Variants in LRRC4C observed in about 807,000 individuals in gnomAD.
LRRC4C encodes leucine-rich repeat-containing protein 4C.
Under a neutral mutation model 33.6 loss-of-function variants are expected in LRRC4C, and 5 were observed. The ratio of observed to expected loss-of-function variants is 0.15; its 90% CI spans 0.08 to 0.31. LRRC4C has a LOEUF of 0.31. Among genes scored for constraint, LRRC4C ranks in the 10% least tolerant of loss-of-function variants. The pLI is 1.00. For missense variants in LRRC4C, 560 were observed against 796.7 expected, an observed-to-expected ratio of 0.70 and a Z score of 3.58; for synonymous variants, 329 against 302.0, an observed-to-expected ratio of 1.09 and a Z score of -0.93.
intron 5 of LRRC4C, among the ~76,000 whole-genome samples, chr11:40,213,965 C>T (rs574616147): frequency 3.9e-5 from 6 of 152,236 alleles, no homozygotes; most frequent in African/African-American, 1.4e-4. Context: ...AGTACTTGCT[C>T]AACCTCACAC....
chr11:40,945,870 A>G (rs757398903), intron 1 of LRRC4C, among the ~76,000 whole-genome samples: 1 of 152,164 alleles, frequency 6.6e-6, no homozygotes, highest in Non-Finnish European at 1.5e-5. Context: ...TAATCCATAC[A>G]TATGAATATG....
chr11:40,624,582 C>A (rs1962756952), intron 3 of LRRC4C, among the ~76,000 whole-genome samples: 1 of 152,108 alleles, frequency 6.6e-6, no homozygotes, highest in East Asian at 1.9e-4. Context: ...ATGGGCCAAC[C>A]TGATTCACAA....
intron 2 of LRRC4C, among the ~76,000 whole-genome samples, chr11:40,812,727 C>T (rs1417984957): frequency 6.6e-6 from 1 of 152,034 alleles, no homozygotes; most frequent in Non-Finnish European, 1.5e-5. Context: ...TTTCATTTAT[C>T]CTAAAAGCAG....
At chr11:40,661,208 TG>T (rs1943417086) in intron 2 of LRRC4C, among the ~76,000 whole-genome samples, 1 of 152,184 alleles carries the variant, frequency 6.6e-6, no homozygotes, top group South Asian at 2.1e-4. Flanking sequence ...ATGATGCCAA[TG>T]TGTATCCTGC....
chr11:41,331,239 T>C (rs990732800), intron 1 of LRRC4C, among the ~76,000 whole-genome samples: 3 of 152,230 alleles, frequency 2.0e-5, no homozygotes, highest in Non-Finnish European at 4.4e-5. Context: ...CCTTGAGTTA[T>C]TCCTTCCTAG....
rs372764012 is a variant in LRRC4C at position 40,812,029 on chromosome 11, T to C, written c.-407+121606A>G. Among the ~76,000 whole-genome samples the C allele has an allele frequency of 8.5e-5, 13 of 152,326 alleles. 1 individual carries two copies. The East Asian group carries it at 2.3e-3, about 27-fold the overall frequency. On this transcript the variant is annotated intron_variant, in intron 2 of 6. Coordinates refer to ENST00000528697, the MANE Select transcript of LRRC4C (RefSeq NM_001258419.2). ...ACCTTCATGCACCTTTTCCCTATTA[T>C]TTCACTTATCATCCTTCTCTCTAAT...
At chr11:41,261,977 C>T (rs1948995690) in intron 1 of LRRC4C, among the ~76,000 whole-genome samples, 1 of 152,046 alleles carries the variant, frequency 6.6e-6, no homozygotes, top group South Asian at 2.1e-4. Flanking sequence ...TCTTCATTCT[C>T]TGTGGGGAGA....
chr11:41,378,354 G>C (rs1042521193), intron 1 of LRRC4C, among the ~76,000 whole-genome samples: 1 of 151,912 alleles, frequency 6.6e-6, no homozygotes, highest in Non-Finnish European at 1.5e-5. Flanking sequence ...TTTTTCTTTT[G>C]TCTCTGAAGA....
intron 5 of LRRC4C, among the ~76,000 whole-genome samples, chr11:40,174,822 CA>C (rs1439217296): frequency 6.6e-6 from 1 of 152,122 alleles, no homozygotes; most frequent in Non-Finnish European, 1.5e-5. Flanking sequence ...TTGCTTCTCC[CA>C]GGGGACAGGT....
At chr11:40,482,812 A>C (rs1292845648) in intron 3 of LRRC4C, among the ~76,000 whole-genome samples, 1 of 152,144 alleles carries the variant, frequency 6.6e-6, no homozygotes, top group African/African-American at 2.4e-5. Context: ...AACCTAAATA[A>C]AATGAATTTC....
chr11:41,300,100 T>C (rs1257752240), intron 1 of LRRC4C, among the ~76,000 whole-genome samples: 3 of 152,182 alleles, frequency 2.0e-5, no homozygotes, highest in Non-Finnish European at 4.4e-5. Context: ...AACAGGTCAA[T>C]GTAGTCACAG....
At chr11:40,208,683 T>C (rs1263198379) in intron 5 of LRRC4C, among the ~76,000 whole-genome samples, 3 of 152,192 alleles carry the variant, frequency 2.0e-5, no homozygotes, top group East Asian at 1.9e-4. Context: ...TTAATACATG[T>C]TATTACAAGT....
intron 3 of LRRC4C, among the ~76,000 whole-genome samples, chr11:40,425,831 C>T (rs1472875434): frequency 2.6e-5 from 4 of 152,126 alleles, no homozygotes; most frequent in Admixed American, 2.6e-4. Context: ...CTGTCTTAGG[C>T]CATAGATGTA....
intron 2 of LRRC4C, among the ~76,000 whole-genome samples, chr11:40,703,154 G>A (rs376670181): frequency 2.0e-5 from 3 of 151,992 alleles, no homozygotes; most frequent in Non-Finnish European, 4.4e-5. Flanking sequence ...AGGGGAAGGC[G>A]CTATTAGTAC....
intron 3 of LRRC4C, among the ~76,000 whole-genome samples, chr11:40,449,498 G>T (rs1177869571): frequency 6.6e-6 from 1 of 152,098 alleles, no homozygotes; most frequent in African/African-American, 2.4e-5. Context: ...AAATTTCAGT[G>T]ATTACTTCAT....
chr11:40,171,218 T>C (rs919127273), intron 5 of LRRC4C, among the ~76,000 whole-genome samples: 1 of 152,232 alleles, frequency 6.6e-6, no homozygotes, highest in Admixed American at 6.5e-5. Context: ...ATAATGATTT[T>C]AACAATCAAA....
chr11:40,352,135 CTT>C, intron 3 of LRRC4C, among the ~76,000 whole-genome samples: 1 of 105,880 alleles, frequency 9.4e-6, no homozygotes, highest in Middle Eastern at 5.2e-3. Flanking sequence ...TCCTTCCTTC[CTT>C]CCTTCCTTCC....
chr11:41,388,943 T>C (rs546272199), intron 1 of LRRC4C, among the ~76,000 whole-genome samples: 1 of 151,876 alleles, frequency 6.6e-6, no homozygotes, highest in Non-Finnish European at 1.5e-5. Context: ...AGTTTAGATC[T>C]AAATATAAGG....
At chr11:40,748,132 A>G (rs1033318993) in intron 2 of LRRC4C, among the ~76,000 whole-genome samples, 1 of 152,180 alleles carries the variant, frequency 6.6e-6, no homozygotes, top group African/African-American at 2.4e-5. Context: ...AGTGAAAGAC[A>G]GAGAGAGATT....
Sources: gnomAD v4.1 joint callset for allele counts (sites outside exome capture counted in the v4.1 genomes callset) on GRCh38, gnomAD v4.1.1 for gene constraint, MANE v1.5 for transcripts, NCBI Gene and HGNC (gene_info 2026-07-23, HGNC 2026-07-21) for gene names.